OR7E24: variants seen among roughly 807,000 people sequenced by gnomAD.
The protein encoded by OR7E24 is olfactory receptor family 7 subfamily E member 24.
For synonymous variants in OR7E24, 130 were observed against 157.5 expected, an observed-to-expected ratio of 0.83 and a Z score of 1.31; for missense variants, 385 against 410.3, an observed-to-expected ratio of 0.94 and a Z score of 0.53.
chr19:9,228,590 G>A, the OR7E24 span, among the ~76,000 whole-genome samples: 99 of 152,206 alleles, frequency 6.5e-4, no homozygotes, highest in African/African-American at 2.3e-3. Context: ...GGTAATAAAT[G>A]AAGCCCTTCC....
rs1262924890 is a variant in OR7E24 at position 9,252,036 on chromosome 19, T to C, written c.993T>C (p.His331=). ...ATGGCAGAATCATCAAATCTCATCA[T>C]CTCCATCCTTTTTGTTATATGGGAT... is the stretch of plus-strand genomic sequence containing the variant. ...RLHGRIIKSH[H]LHPFCYMG is the part of the protein sequence containing the mutation. Residue 331 remains histidine, a synonymous_variant, in exon 1 of 1, where the codon CAT becomes CAC. Transcript: ENST00000456448. The C allele has an allele frequency of 1.2e-6, 2 of 1,613,882 alleles. No individual in the cohort carries two copies. Among genetic ancestry groups the C allele is most frequent in the South Asian group, 1.1e-5 (1 of 91,046 alleles).
At chr19:9,230,308 G>T in the OR7E24 span, among the ~76,000 whole-genome samples, 1 of 152,122 alleles carries the variant, frequency 6.6e-6, no homozygotes, top group South Asian at 2.1e-4. Flanking sequence ...GCCTCCCAAA[G>T]TGCTGAGATT....
the OR7E24 span, chr19:9,211,858 T>C: frequency 6.6e-6 from 1 of 151,048 alleles, no homozygotes; most frequent in Non-Finnish European, 1.5e-5. Context: ...GTTCATTCAA[T>C]GGATTTGCAG....
At chr19:9,232,777 T>G in the OR7E24 span, among the ~76,000 whole-genome samples, 2 of 152,136 alleles carry the variant, frequency 1.3e-5, no homozygotes, top group African/African-American at 4.8e-5. Flanking sequence ...GTCTGTGTCC[T>G]TGATTTCCTT....
the OR7E24 span, among the ~76,000 whole-genome samples, chr19:9,238,278 G>C: frequency 6.6e-6 from 1 of 152,034 alleles, no homozygotes; most frequent in Admixed American, 6.6e-5. Flanking sequence ...GCAAGACTCT[G>C]TCTCAAAAAA....
chr19:9,214,860 A>T, the OR7E24 span: 2 of 1,459,152 alleles, frequency 1.4e-6, no homozygotes, highest in South Asian at 1.3e-5. Flanking sequence ...TCTGCTGGGG[A>T]AGGAGGAAAA....
At chr19:9,247,582 T>C, upstream of OR7E24, 1 of 398,634 alleles carries the variant, frequency 2.5e-6, no homozygotes. Context: ...GACAGTGGGG[T>C]GGCAGATGGG....
chr19:9,236,944 C>CTT, the OR7E24 span, among the ~76,000 whole-genome samples: 3 of 152,190 alleles, frequency 2.0e-5, no homozygotes, highest in Non-Finnish European at 4.4e-5. Flanking sequence ...AAAAACCTTT[C>CTT]TTTGAGTTAT....
the OR7E24 span, among the ~76,000 whole-genome samples, chr19:9,229,044 A>G: frequency 2.0e-5 from 3 of 152,196 alleles, no homozygotes; most frequent in African/African-American, 7.2e-5. Flanking sequence ...TGTATACATT[A>G]AATGTCTACA....
chr19:9,225,431 C>T, the OR7E24 span, among the ~76,000 whole-genome samples: 22 of 110,626 alleles, frequency 2.0e-4, no homozygotes, highest in Admixed American at 2.6e-4. Context: ...GGGAAGGAAG[C>T]GAAGGAAGAA....
chr19:9,214,223 C>G, the OR7E24 span: 9 of 1,614,154 alleles, frequency 5.6e-6, no homozygotes, highest in East Asian at 2.0e-4. Flanking sequence ...ACACACCCAG[C>G]AGTGCCGTGG....
At chr19:9,213,992 G>T in the OR7E24 span, 1 of 1,614,126 alleles carries the variant, frequency 6.2e-7, no homozygotes, top group South Asian at 1.1e-5. Flanking sequence ...TCAGCATGGG[G>T]GTGACCATGG....
the OR7E24 span, among the ~76,000 whole-genome samples, chr19:9,233,599 A>G: frequency 6.6e-6 from 1 of 152,222 alleles, no homozygotes; most frequent in East Asian, 1.9e-4. Flanking sequence ...ATCTTCATTA[A>G]TTAGAAGTGT....
At chr19:9,238,147 G>C in the OR7E24 span, among the ~76,000 whole-genome samples, 2 of 152,104 alleles carry the variant, frequency 1.3e-5, no homozygotes, top group Non-Finnish European at 2.9e-5. Flanking sequence ...GGTGGCATAC[G>C]CCTGTAATCC....
At chr19:9,250,584 G>A (rs2066142386), upstream of OR7E24, among the ~76,000 whole-genome samples, 2 of 152,176 alleles carry the variant, frequency 1.3e-5, no homozygotes, top group East Asian at 1.9e-4. Context: ...TATGAACTAT[G>A]AACTTTCATT....
chr19:9,218,285 CTT>C, the OR7E24 span, among the ~76,000 whole-genome samples: 2 of 152,138 alleles, frequency 1.3e-5, no homozygotes, highest in African/African-American at 4.8e-5. Context: ...ATTCATATCT[CTT>C]TTAAAATAAT....
chr19:9,230,855 T>C, the OR7E24 span, among the ~76,000 whole-genome samples: 1 of 152,174 alleles, frequency 6.6e-6, no homozygotes, highest in African/African-American at 2.4e-5. Context: ...AGACGATTGA[T>C]GCTGAGTAGA....
the OR7E24 span, among the ~76,000 whole-genome samples, chr19:9,240,656 T>C: frequency 1.3e-5 from 2 of 152,196 alleles, no homozygotes; most frequent in Admixed American, 1.3e-4. Flanking sequence ...GTTTTAAAAT[T>C]TGATGAAGTT....
At position 9,251,895 on chromosome 19, in the gene OR7E24, A is replaced by G. The variant is rs537150980; in HGVS notation, c.852A>G (p.Pro284=). 3.7e-6 allele frequency: 6 copies of G among 1,614,092 alleles called. No individual in the cohort carries two copies. The South Asian group carries it at 6.6e-5, about 18-fold the overall frequency. The change falls in exon 1 of 1, where the codon CCA becomes CCG. Residue 284 remains proline, a synonymous_variant. Coordinates refer to ENST00000456448, the MANE Select transcript of OR7E24 (RefSeq NM_001079935.2). ...GGTACCTCAGTTCAGCTGTGTTACC[A>G]TCCCCCAGGAAGAGTATGGTGGCTT... is the stretch of plus-strand genomic sequence containing the variant. ...LVGYLSSAVL[P]SPRKSMVASV...
Sources: gnomAD v4.1 joint callset for allele counts (sites outside exome capture counted in the v4.1 genomes callset) on GRCh38, gnomAD v4.1.1 for gene constraint, MANE v1.5 for transcripts, NCBI Gene and HGNC (gene_info 2026-07-23, HGNC 2026-07-21) for gene names.